Variants in FLCN observed in about 807,000 individuals in gnomAD.
FLCN encodes the protein BHD skin lesion fibrofolliculoma protein.
FLCN carries 22 observed loss-of-function variants against 62.5 expected under a neutral mutation model. That is an observed-to-expected ratio of 0.35 (90% confidence interval 0.25 to 0.50). The LOEUF is 0.50. FLCN is among the 20% of genes least tolerant of loss of function. The probability of loss-of-function intolerance (pLI) is 0.97; values close to 1 mark genes in which losing one functional copy is unlikely to be tolerated. For missense variants in FLCN, 657 were observed against 778.0 expected (o/e 0.84, Z 1.85); for synonymous variants, 319 against 310.0 (o/e 1.03, Z -0.30).
intron 9 of FLCN, 79 bp from the exon 10 acceptor site, chr17:17,217,261 G>C (rs1242118306): frequency 2.0e-6 from 2 of 1,008,426 alleles, no homozygotes; most frequent in East Asian, 5.0e-5. Flanking sequence ...TTATTTGTGT[G>C]TTCATAAAAC....
intron 8 of FLCN, 188 bp downstream of exon 8, chr17:17,221,349 C>G (rs771087637): frequency 2.5e-6 from 4 of 1,583,332 alleles, no homozygotes; most frequent in Admixed American, 1.8e-5. Flanking sequence ...TCAAGGCAAA[C>G]GAGACAGGAA....
At chr17:17,217,900 G>A (rs1597588709) in intron 9 of FLCN, among the ~76,000 whole-genome samples, 1 of 152,176 alleles carries the variant, frequency 6.6e-6, no homozygotes, top group East Asian at 1.9e-4. Context: ...AACCCCAACA[G>A]CCTCAAAGTA....
rs1404023840 is a variant in FLCN, at chr17:17,221,561, A to G, written c.847T>C (p.Leu283=). 1.2e-6 allele frequency: 2 copies of G among 1,612,832 alleles called. No individual in the cohort carries two copies. The highest frequency in any genetic ancestry group is 2.2e-5 in the East Asian group (1 of 44,886). Residue 283 remains leucine, a synonymous_variant, in exon 8 of 14, where the codon TTG becomes CTG. Coordinates refer to ENST00000285071, the MANE Select transcript of FLCN (RefSeq NM_144997.7). ...LLEGAPTEDT[L]VQMEKLADLE... is the part of the protein sequence containing the mutation. ...CCAGCGAGCTTCTCCATCTGGACCA[A>G]GGTATCCTCGGTCGGAGCACCTTCC...
At chr17:17,221,373 C>A in intron 8 of FLCN, 164 bp downstream of exon 8, 1 of 1,607,642 alleles carries the variant, frequency 6.2e-7, no homozygotes, top group Non-Finnish European at 8.5e-7. Context: ...ACAACAATCA[C>A]AACAATCACA....
rs2144980152 is a variant in FLCN at position 17,224,078 on chromosome 17, G to A, written c.462C>T (p.His154=). 3 of 1,613,360 alleles carry A rather than the reference G, an allele frequency of 1.9e-6. No individual in the cohort carries two copies. The highest frequency in any genetic ancestry group is 2.2e-5 in the South Asian group (2 of 90,904). ...GDEQHGFVFS[H]TFFIKDSLAR... ...CCAGGCTGTCCTTGATGAAGAAGGT[G>A]TGGCTGAACACAAAGCCGTGCTGCT... The change falls in exon 6 of 14, where the codon CAC becomes CAT. Residue 154 remains histidine, a synonymous_variant. Transcript: ENST00000285071.
At chr17:17,233,251 G>C (rs1323247531) in intron 1 of FLCN, among the ~76,000 whole-genome samples, 2 of 152,118 alleles carry the variant, frequency 1.3e-5, no homozygotes, top group African/African-American at 4.8e-5. Context: ...CCATGAGTTT[G>C]AGACCAGCCT....
Position 17,222,524 on chromosome 17 carries a change from C to A in FLCN, c.756G>T (p.Ala252=), listed in dbSNP as rs746664975. The A allele has an allele frequency of 1.4e-5, 22 of 1,614,068 alleles. No homozygotes were observed. Among genetic ancestry groups the A allele is most frequent in the Non-Finnish European group, 1.8e-5 (21 of 1,180,048 alleles). The change falls in exon 7 of 14, where the codon GCG becomes GCT. Residue 252 remains alanine (A), a synonymous_variant. Transcript: ENST00000285071. ...TSLTSDDNLW[A]CLHTSFAWLL... is the part of the protein sequence containing the mutation. ...ACCAGGCAAAGGAGGTGTGCAGGCA[C>A]GCCCACAGGTTGTCATCACTTGTCA...
At chr17:17,220,243 C>T (rs1045459245) in intron 8 of FLCN, 14 of 152,196 alleles carry the variant, frequency 9.2e-5, no homozygotes, top group Admixed American at 7.9e-4. Context: ...CTGGACCTCC[C>T]TATGTTGCTC....
chr17:17,222,386 G>A (rs2144945709), intron 7 of FLCN, 115 bp downstream of exon 7: 21 of 1,457,580 alleles, frequency 1.4e-5, no homozygotes, highest in East Asian at 2.4e-5. Flanking sequence ...GCTCCTCACA[G>A]AGGCAGCAAG....
intron 3 of FLCN, chr17:17,228,554 A>C: frequency 4.1e-6 from 1 of 243,312 alleles, no homozygotes. Context: ...CCCAATACAT[A>C]TCTGCTTGGC....
chr17:17,226,151 C>A (rs1567822539), intron 5 of FLCN, 25 bp downstream of exon 5: 1 of 1,614,002 alleles, frequency 6.2e-7, no homozygotes, highest in Non-Finnish European at 8.5e-7. Context: ...CCCACAGAGA[C>A]AGGCTCTGTG....
In FLCN at chr17:17,237,116, G is replaced by C. The variant is rs1405360993; in HGVS notation, c.-432C>G. ...CAAGCCCGGGTTCAGGCTCTCAGGG[G>C]AGCTGGCAGAACCAGGAGCGACCAC... On this transcript the variant is annotated 5_prime_UTR_variant, in exon 1 of 14. Transcript: ENST00000285071. 2 of 152,246 alleles carry C rather than the reference G, an allele frequency of 1.3e-5. No individual in the cohort carries two copies. The highest frequency in any genetic ancestry group is 4.8e-5 in the African/African-American group (2 of 41,442). The allele number at this position is 152,246 out of a possible 1,614,324, so 9.4% of individuals were successfully genotyped here.
rs1555607212 is a variant in FLCN, at chr17:17,215,257, AC to A, written c.1359del (p.Cys454ValfsTer14). 1 of 1,613,898 alleles carries A rather than the reference AC, an allele frequency of 6.2e-7. No homozygotes were observed. The highest frequency in any genetic ancestry group is 8.5e-7 in the Non-Finnish European group (1 of 1,179,972). On this transcript the variant is annotated frameshift_variant, in exon 12 of 14. Coordinates refer to ENST00000285071, the MANE Select transcript of FLCN (RefSeq NM_144997.7). LOFTEE classifies it high-confidence loss of function. ...AAARSTLHPV[G>X]CEDDQSLSKY... ...TTGCTGAGAGACTGGTCATCCTCACACCCCACAGGGTGGAGGGTGGAACGTG... is the reference window on the plus strand; with the variant it reads ...TTGCTGAGAGACTGGTCATCCTCACACCCACAGGGTGGAGGGTGGAACGTG...
intron 13 of FLCN, 45 bp downstream of exon 13, chr17:17,214,940 C>T: frequency 6.3e-7 from 1 of 1,595,024 alleles, no homozygotes; most frequent in Non-Finnish European, 8.6e-7. Flanking sequence ...TCCAGGTTTT[C>T]TCCAGGGTCG....
chr17:17,225,969 A>G, intron 5 of FLCN: 1 of 710,242 alleles, frequency 1.4e-6, no homozygotes. Flanking sequence ...GCACTCAATC[A>G]GAAAATGCTC....
At chr17:17,228,235 C>T in intron 3 of FLCN, 74 bp from the exon 4 acceptor site, 2 of 1,504,452 alleles carry the variant, frequency 1.3e-6, no homozygotes, top group Non-Finnish European at 1.8e-6. Flanking sequence ...CCCTCTGGAG[C>T]ACAGGGAGCA....
At chr17:17,218,706 T>G (rs1245440735) in intron 9 of FLCN, among the ~76,000 whole-genome samples, 1 of 152,036 alleles carries the variant, frequency 6.6e-6, no homozygotes, top group Non-Finnish European at 1.5e-5. Context: ...ATGGGCAGGG[T>G]CCAGGCTGCA....
chr17:17,232,665 G>A (rs2047458278), intron 2 of FLCN, 123 bp downstream of exon 2: 1 of 152,408 alleles, frequency 6.6e-6, no homozygotes, highest in African/African-American at 2.4e-5. Flanking sequence ...CTGCGAAAAG[G>A]AAGGCCACGC....
rs2047111865 is a variant in FLCN, at chr17:17,222,193, T to C, written c.779+308A>G. 2.0e-5 allele frequency among the ~76,000 whole-genome samples: 3 copies of C among 152,122 alleles called. No individual in the cohort carries two copies. In the South Asian group the frequency reaches 6.2e-4, roughly 32 times the overall value. On this transcript the variant is annotated intron_variant, in intron 7 of 13. Coordinates refer to ENST00000285071, the MANE Select transcript of FLCN (RefSeq NM_144997.7). ...CTCTACCAAAAATAAAAAAATTAGC[T>C]GGGTGTGGTGACAGGCGCCTGTAAT...
Sources: gnomAD v4.1 joint callset for allele counts (sites outside exome capture counted in the v4.1 genomes callset) on GRCh38, gnomAD v4.1.1 for gene constraint, MANE v1.5 for transcripts, NCBI Gene and HGNC (gene_info 2026-07-23, HGNC 2026-07-21) for gene names.